FRMD6: variants seen among roughly 807,000 people sequenced by gnomAD.
FRMD6 encodes FERM domain containing 6.
In FRMD6, 37 loss-of-function variants were observed where a neutral mutation model predicts 73.2. The observed-to-expected ratio is 0.51, with a 90% CI of 0.39 to 0.66. The LOEUF (loss-of-function observed/expected upper bound fraction) is 0.66, where lower values mean the gene tolerates loss of function less well. FRMD6 is among the 30% of genes least tolerant of loss of function. FRMD6 has a pLI of 0.00. For synonymous variants in FRMD6, 273 were observed against 282.2 expected, an observed-to-expected ratio of 0.97 and a Z score of 0.33; for missense variants, 714 against 780.5, an observed-to-expected ratio of 0.91 and a Z score of 1.02.
upstream of FRMD6, among the ~76,000 whole-genome samples, chr14:51,485,191 C>T (rs1465034597): frequency 6.6e-6 from 1 of 152,138 alleles, no homozygotes; most frequent in East Asian, 1.9e-4. Context: ...CTAGAGAAGC[C>T]CGTGTGGGAT....
the FRMD6 span, among the ~76,000 whole-genome samples, chr14:51,407,810 C>T: frequency 6.6e-6 from 1 of 151,920 alleles, no homozygotes; most frequent in Non-Finnish European, 1.5e-5. Context: ...AACTTAATTG[C>T]CTGATTAGCA....
At chr14:51,501,896 G>T (rs763596762) in intron 1 of FRMD6, among the ~76,000 whole-genome samples, 14 of 152,032 alleles carry the variant, frequency 9.2e-5, no homozygotes, top group Admixed American at 2.0e-4. Flanking sequence ...GTTGTTTTTT[G>T]ACTGTTTAAT....
chr14:51,692,567 G>A (rs1895675898), intron 2 of FRMD6, among the ~76,000 whole-genome samples: 1 of 152,016 alleles, frequency 6.6e-6, no homozygotes, highest in African/African-American at 2.4e-5. Flanking sequence ...TGACAGTGAA[G>A]AATACTGAAA....
At chr14:51,664,417 A>T (rs1893431405) in intron 1 of FRMD6, among the ~76,000 whole-genome samples, 1 of 152,350 alleles carries the variant, frequency 6.6e-6, no homozygotes, top group South Asian at 2.1e-4. Flanking sequence ...ACTGTCATCA[A>T]AATGAATCAA....
At chr14:51,551,696 C>G (rs1205640412) in intron 1 of FRMD6, among the ~76,000 whole-genome samples, 3 of 151,854 alleles carry the variant, frequency 2.0e-5, no homozygotes, top group Non-Finnish European at 2.9e-5. Flanking sequence ...GAGATCAGGC[C>G]ACTGCACTCC....
intron 1 of FRMD6, among the ~76,000 whole-genome samples, chr14:51,542,574 A>G (rs1234554780): frequency 6.6e-6 from 1 of 152,084 alleles, no homozygotes; most frequent in Admixed American, 6.6e-5. Context: ...TATTGTGAAT[A>G]GTGCTTCTAT....
rs767003856 is a variant in FRMD6, at chr14:51,712,526, C to G, written c.824C>G (p.Thr275Arg). 3 of 1,602,486 alleles carry G rather than the reference C, an allele frequency of 1.9e-6. No individual in the cohort carries two copies. Among genetic ancestry groups the G allele is most frequent in the Non-Finnish European group, 2.6e-6 (3 of 1,170,248 alleles). ...CAATTACTTTATGATTTCCCCTGGACAAATGTTGGAAAATTGGTGTTTGTG... is the reference window on the plus strand; with the variant it reads ...CAATTACTTTATGATTTCCCCTGGAGAAATGTTGGAAAATTGGTGTTTGTG... The part of the protein sequence containing the change: ...EKQLLYDFPW[T>R]NVGKLVFVGK... Residue 275 changes from threonine (T) to arginine (R), a missense_variant, in exon 9 of 14, where the codon ACA (threonine) becomes AGA (arginine). Transcript: ENST00000344768.
the FRMD6 span, among the ~76,000 whole-genome samples, chr14:51,441,404 C>T: frequency 6.6e-6 from 1 of 152,208 alleles, no homozygotes; most frequent in East Asian, 1.9e-4. Flanking sequence ...CAGTTAGGTC[C>T]CACTTTCACT....
Position 51,708,196 on chromosome 14 carries a change from T to G in FRMD6, c.677T>G (p.Leu226Arg). 1 of 1,613,256 alleles carries G rather than the reference T, an allele frequency of 6.2e-7. No homozygotes were observed. Among genetic ancestry groups the G allele is most frequent in the Non-Finnish European group, 8.5e-7 (1 of 1,179,452 alleles). The change falls in exon 7 of 14, where the codon CTG becomes CGG. Residue 226 changes from leucine (L) to arginine (R), a missense_variant. Coordinates refer to ENST00000344768, the MANE Select transcript of FRMD6 (RefSeq NM_001267046.2). The part of the protein sequence containing the change: ...HLKYIKEAVR[L>R]DDVAVHYYRL... ...AAATATATCAAAGAGGCTGTCCGAC[T>G]GGATGACGTCGCTGTTCATTACTAC...
intron 2 of FRMD6, among the ~76,000 whole-genome samples, chr14:51,635,769 T>TA: frequency 6.6e-6 from 1 of 152,132 alleles, no homozygotes; most frequent in Non-Finnish European, 1.5e-5. Context: ...GGAGGTAGAA[T>TA]AAAAAAATAC....
At chr14:51,639,444 A>AAAT (rs1891726298) in intron 2 of FRMD6, among the ~76,000 whole-genome samples, 1 of 151,712 alleles carries the variant, frequency 6.6e-6, no homozygotes, top group Non-Finnish European at 1.5e-5. Context: ...CAAAAAAAAA[A>AAAT]AATAATTATT....
At chr14:51,645,831 A>G (rs538608073) in intron 2 of FRMD6, among the ~76,000 whole-genome samples, 1 of 152,320 alleles carries the variant, frequency 6.6e-6, no homozygotes, top group Non-Finnish European at 1.5e-5. Context: ...TGTTATGCTT[A>G]TAACCTACCC....
At chr14:51,548,214 A>G (rs183598171) in intron 1 of FRMD6, among the ~76,000 whole-genome samples, 2 of 152,372 alleles carry the variant, frequency 1.3e-5, no homozygotes, top group Admixed American at 6.5e-5. Flanking sequence ...TTTCTAAAAT[A>G]TAGAAAAATT....
chr14:51,713,102 A>C (rs1163243776), intron 9 of FRMD6, among the ~76,000 whole-genome samples: 1 of 151,860 alleles, frequency 6.6e-6, no homozygotes, highest in African/African-American at 2.4e-5. Context: ...TGCCAGCTAT[A>C]TCCGTTTTTT....
chr14:51,485,976 C>A (rs375419978), upstream of FRMD6, among the ~76,000 whole-genome samples: 1 of 151,732 alleles, frequency 6.6e-6, no homozygotes, highest in South Asian at 2.1e-4. Context: ...CAGACTTCCC[C>A]TTGAAGTTCC....
chr14:51,706,032 C>T (rs1896607556), intron 6 of FRMD6, among the ~76,000 whole-genome samples: 2 of 152,060 alleles, frequency 1.3e-5, no homozygotes, highest in African/African-American at 4.8e-5. Context: ...GCCGTTCAAA[C>T]TCAAGATGTC....
At chr14:51,456,459 T>C in the FRMD6 span, among the ~76,000 whole-genome samples, 1 of 152,244 alleles carries the variant, frequency 6.6e-6, no homozygotes, top group Non-Finnish European at 1.5e-5. Flanking sequence ...GCTTCATCCA[T>C]GTCCCTGCAA....
intron 1 of FRMD6, among the ~76,000 whole-genome samples, chr14:51,664,347 T>C (rs1893426137): frequency 6.6e-6 from 1 of 152,250 alleles, no homozygotes; most frequent in African/African-American, 2.4e-5. Flanking sequence ...ATTTTATAAT[T>C]ATACACCAAG....
chr14:51,531,353 TCAAA>T, intron 1 of FRMD6, among the ~76,000 whole-genome samples: 1 of 152,130 alleles, frequency 6.6e-6, no homozygotes, highest in Admixed American at 6.5e-5. Context: ...CGAGAAAATG[TCAAA>T]CAAGCCAAAA....
Sources: gnomAD v4.1 joint callset for allele counts (sites outside exome capture counted in the v4.1 genomes callset) on GRCh38, gnomAD v4.1.1 for gene constraint, MANE v1.5 for transcripts, NCBI Gene and HGNC (gene_info 2026-07-23, HGNC 2026-07-21) for gene names.